HDGFL3: variants seen among roughly 807,000 people sequenced by gnomAD.
The protein encoded by HDGFL3 is HDGF like 3.
HDGFL3 carries 6 observed loss-of-function variants against 27.6 expected under a neutral mutation model. That is an observed-to-expected ratio of 0.22 (90% CI 0.12 to 0.43). The LOEUF (loss-of-function observed/expected upper bound fraction) is 0.43, where lower values mean the gene tolerates loss of function less well. Ranked by LOEUF, HDGFL3 falls within the 20% of genes least tolerant of loss-of-function variation. The pLI is 1.00. For missense variants in HDGFL3, 207 were observed against 250.1 expected (o/e 0.83, Z 1.16); for synonymous variants, 88 against 88.9 (o/e 0.99, Z 0.05).
At chr15:83,201,766 T>C (rs1224065393) in intron 1 of HDGFL3, among the ~76,000 whole-genome samples, 1 of 152,126 alleles carries the variant, frequency 6.6e-6, no homozygotes, top group Non-Finnish European at 1.5e-5. Flanking sequence ...ACTCATCTGG[T>C]TGAAACGGGA....
chr15:83,160,477 A>G (rs1027844827), intron 2 of HDGFL3, among the ~76,000 whole-genome samples: 6 of 146,666 alleles, frequency 4.1e-5, no homozygotes, highest in Admixed American at 3.4e-4. Context: ...GAGCCACCAC[A>G]CCTGGCCATC....
intron 4 of HDGFL3, among the ~76,000 whole-genome samples, chr15:83,151,710 A>C (rs748645741): frequency 2.0e-5 from 3 of 152,230 alleles, no homozygotes; most frequent in Non-Finnish European, 4.4e-5. Context: ...AGGCTACAGA[A>C]GTGGAAGGTA....
chr15:83,173,308 T>G (rs2037268798), intron 1 of HDGFL3, among the ~76,000 whole-genome samples: 1 of 152,246 alleles, frequency 6.6e-6, no homozygotes. Flanking sequence ...TACTCAATAC[T>G]ATTATAAAAT....
chr15:83,202,485 A>T (rs1340872976), intron 1 of HDGFL3, among the ~76,000 whole-genome samples: 1 of 152,114 alleles, frequency 6.6e-6, no homozygotes, highest in Non-Finnish European at 1.5e-5. Flanking sequence ...TAAAGTAGAA[A>T]ATGAAGTTTC....
chr15:83,182,088 T>A (rs1044767852), intron 1 of HDGFL3, among the ~76,000 whole-genome samples: 1 of 152,238 alleles, frequency 6.6e-6, no homozygotes, highest in Non-Finnish European at 1.5e-5. Context: ...ATTTTCCCTG[T>A]ACTCTCTACC....
chr15:83,198,574 A>C (rs1448548135), intron 1 of HDGFL3, among the ~76,000 whole-genome samples: 2 of 152,196 alleles, frequency 1.3e-5, no homozygotes, highest in Non-Finnish European at 2.9e-5. Flanking sequence ...ATTTATAAAG[A>C]AAACAGGCTT....
chr15:83,147,137 A>G (rs568511114), intron 5 of HDGFL3, among the ~76,000 whole-genome samples: 1 of 151,798 alleles, frequency 6.6e-6, no homozygotes, highest in Admixed American at 6.6e-5. Flanking sequence ...ATCTCAGCTC[A>G]CTGCAACCTC....
At position 83,136,581 on chromosome 15, in the gene HDGFL3, C is replaced by A. The variant is rs866588428; in HGVS notation, c.*2689G>T. ...ATCCTTTTTTTAGCATTAAACATAG[C>A]ATATGGAGTTCTTCCTCAGCTCTTG... On this transcript the variant is annotated 3_prime_UTR_variant, in exon 6 of 6. Coordinates refer to ENST00000299633, the MANE Select transcript of HDGFL3 (RefSeq NM_016073.4). 2 of 1,613,752 alleles carry A rather than the reference C, an allele frequency of 1.2e-6. No homozygotes were observed. The highest frequency in any genetic ancestry group is 8.5e-7 in the Non-Finnish European group (1 of 1,179,808).
chr15:83,119,674 G>C, intron 3 of HDGFL3: 1 of 1,614,186 alleles, frequency 6.2e-7, no homozygotes, highest in Non-Finnish European at 8.5e-7. Context: ...GGCAGCCATA[G>C]CATGGGAGTA....
intron 3 of HDGFL3, chr15:83,115,807 A>G (rs763378911): frequency 4.4e-6 from 6 of 1,355,382 alleles, no homozygotes; most frequent in Non-Finnish European, 6.3e-6. Flanking sequence ...TTGTCTCCTG[A>G]GCTATTGCTT....
downstream of HDGFL3, among the ~76,000 whole-genome samples, chr15:83,123,243 C>T (rs1179898444): frequency 2.0e-5 from 3 of 152,094 alleles, no homozygotes; most frequent in African/African-American, 4.8e-5. Context: ...TCTGTGACAC[C>T]TATGCATTTA....
Position 83,136,474 on chromosome 15 carries a change from G to GA in HDGFL3, c.*2795_*2796insT, listed in dbSNP as rs2036619566. The GA allele has an allele frequency of 1.3e-6, 2 of 1,563,042 alleles. No individual in the cohort carries two copies. Among genetic ancestry groups the GA allele is most frequent in the South Asian group, 2.4e-5 (2 of 82,722 alleles). The stretch of plus-strand genomic sequence containing the variant: ...CTTACTCAATTTTTTTTTTTTAAAT[G>GA]CAACAGGCTCAGTTTTCTCACATTG... On this transcript the variant is annotated 3_prime_UTR_variant, in exon 6 of 6. Coordinates refer to ENST00000299633, the MANE Select transcript of HDGFL3 (RefSeq NM_016073.4).
Position 83,133,716 on chromosome 15 carries a change from G to T in HDGFL3, c.*5554C>A, listed in dbSNP as rs1024959928. On this transcript the variant is annotated 3_prime_UTR_variant, in exon 6 of 6. Coordinates refer to ENST00000299633, the MANE Select transcript of HDGFL3 (RefSeq NM_016073.4). Reference sequence around the variant, plus strand: ...CTGAGCTCTTCAGGTCCTGCCATGAGAGGCCTTGTGCTGCTGGGAACATCA... The same window carrying T: ...CTGAGCTCTTCAGGTCCTGCCATGATAGGCCTTGTGCTGCTGGGAACATCA... 2 of 152,258 alleles carry T rather than the reference G, an allele frequency of 1.3e-5. No homozygotes were observed. The highest frequency in any genetic ancestry group is 2.9e-5 in the Non-Finnish European group (2 of 68,056). 9.4% of individuals were successfully genotyped at this position (152,258 alleles called of 1,614,324 possible).
Position 83,139,226 on chromosome 15 carries a change from A to G in HDGFL3, c.*44T>C, listed in dbSNP as rs200570700. ...AGAATATTAGACAACCAAACATATA[A>G]CCTTCTTGTGGTTTCTCTTAATATG... On this transcript the variant is annotated 3_prime_UTR_variant, in exon 6 of 6. Transcript: ENST00000299633. 5.4e-5 allele frequency: 74 copies of G among 1,359,444 alleles called. No homozygotes were observed. The highest frequency in any genetic ancestry group is 7.1e-5 in the Non-Finnish European group (72 of 1,015,454). The allele number at this position is 1,359,444 out of a possible 1,614,324, so 84.2% of individuals were successfully genotyped here.
intron 1 of HDGFL3, among the ~76,000 whole-genome samples, chr15:83,190,226 G>C (rs983129497): frequency 7.2e-6 from 1 of 139,322 alleles, no homozygotes; most frequent in Non-Finnish European, 1.5e-5. Flanking sequence ...AAAAAAAAAA[G>C]CTTGCTCATT....
At chr15:83,188,321 AGCACACT>A (rs1384228942) in intron 1 of HDGFL3, among the ~76,000 whole-genome samples, 2 of 152,158 alleles carry the variant, frequency 1.3e-5, no homozygotes, top group Non-Finnish European at 2.9e-5. Flanking sequence ...TGGTGATCTC[AGCACACT>A]GCAACCTCTG....
At chr15:83,155,676 T>G (rs1445520415) in intron 4 of HDGFL3, among the ~76,000 whole-genome samples, 1 of 152,246 alleles carries the variant, frequency 6.6e-6, no homozygotes, top group South Asian at 2.1e-4. Flanking sequence ...TCTGCCTGTA[T>G]GCCAGTTGGG....
At chr15:83,170,893 A>T (rs2037238319) in intron 1 of HDGFL3, among the ~76,000 whole-genome samples, 1 of 150,256 alleles carries the variant, frequency 6.7e-6, no homozygotes, top group Non-Finnish European at 1.5e-5. Flanking sequence ...AAAAAAAAAC[A>T]AATAATCTCA....
intron 1 of HDGFL3, among the ~76,000 whole-genome samples, chr15:83,199,466 A>G (rs1210926747): frequency 6.6e-6 from 1 of 151,994 alleles, no homozygotes; most frequent in Non-Finnish European, 1.5e-5. Context: ...AACCACTCTC[A>G]TCTCGTATTT....
Sources: allele counts gnomAD v4.1 joint callset (sites outside exome capture counted in the v4.1 genomes callset), GRCh38; gene constraint gnomAD v4.1.1; transcripts MANE v1.5; gene names NCBI Gene and HGNC (gene_info 2026-07-23, HGNC 2026-07-21).